RBFOX1: variants seen among roughly 807,000 people sequenced by gnomAD.
The protein encoded by RBFOX1 is RNA binding protein fox-1 homolog 1.
Under a neutral mutation model 57.7 loss-of-function variants are expected in RBFOX1, and 8 were observed. The observed-to-expected ratio is 0.14, with a 90% CI of 0.08 to 0.25. The LOEUF (loss-of-function observed/expected upper bound fraction) is 0.25, where lower values mean the gene tolerates loss of function less well. RBFOX1 is among the 10% of genes least tolerant of loss of function. The probability of loss-of-function intolerance (pLI) is 1.00; values close to 1 mark genes in which losing one functional copy is unlikely to be tolerated. For synonymous variants in RBFOX1, 326 were observed against 222.4 expected, an observed-to-expected ratio of 1.47 and a Z score of -4.15; for missense variants, 611 against 548.5, an observed-to-expected ratio of 1.11 and a Z score of -1.14.
chr16:6,980,991 C>G (rs1416303170), intron 3 of RBFOX1, among the ~76,000 whole-genome samples: 7 of 135,486 alleles, frequency 5.2e-5, no homozygotes, highest in South Asian at 2.4e-4. Flanking sequence ...TGCAGTCTGC[C>G]GAGATCACGC....
intron 15 of RBFOX1, chr16:7,709,434 T>C (rs2083536901): frequency 7.4e-7 from 1 of 1,344,206 alleles, no homozygotes; most frequent in Non-Finnish European, 9.8e-7. Flanking sequence ...CAGAATGCAG[T>C]GTCAATGCAG....
chr16:5,542,921 C>T (rs193071653), intron 2 of RBFOX1, among the ~76,000 whole-genome samples: 1 of 152,136 alleles, frequency 6.6e-6, no homozygotes, highest in Non-Finnish European at 1.5e-5. Context: ...TTAGAAGGAC[C>T]AGTACCTGGT....
intron 4 of RBFOX1, among the ~76,000 whole-genome samples, chr16:7,068,025 T>A (rs1208993813): frequency 6.7e-6 from 1 of 148,852 alleles, no homozygotes; most frequent in Non-Finnish European, 1.5e-5. Context: ...CATGAATCAC[T>A]CTCATGGTTT....
chr16:7,171,484 A>G (rs1246160062), intron 4 of RBFOX1, among the ~76,000 whole-genome samples: 3 of 152,236 alleles, frequency 2.0e-5, no homozygotes, highest in Non-Finnish European at 2.9e-5. Flanking sequence ...GATTATAGAA[A>G]GAGATTTCTT....
chr16:6,650,621 G>A (rs923234188), intron 2 of RBFOX1, among the ~76,000 whole-genome samples: 2 of 152,168 alleles, frequency 1.3e-5, no homozygotes, highest in African/African-American at 2.4e-5. Context: ...ATTGCTCACC[G>A]GTTCAGTCCC....
rs530299101 is a variant in RBFOX1 at position 6,497,573 on chromosome 16, A to C, written c.-63-157030A>C. Among the ~76,000 whole-genome samples the C allele has an allele frequency of 3.0e-4, 46 of 151,668 alleles. No individual in the cohort carries two copies. The South Asian group carries it at 3.6e-3, about 12-fold the overall frequency. On this transcript the variant is annotated intron_variant, in intron 2 of 15. Coordinates refer to ENST00000550418, the MANE Select transcript of RBFOX1 (RefSeq NM_018723.4). ...TTTTTGAAGTTTTTAAAAAAAAAAA[A>C]AAAACAGAGTTTTGCTCTTGTCACC... is the stretch of plus-strand genomic sequence containing the variant.
At chr16:5,922,195 A>C (rs558637887) in intron 4 of RBFOX1, among the ~76,000 whole-genome samples, 1 of 152,070 alleles carries the variant, frequency 6.6e-6, no homozygotes, top group Non-Finnish European at 1.5e-5. Flanking sequence ...CTAGCTCTCT[A>C]TGTGAACTCA....
intron 1 of RBFOX1, among the ~76,000 whole-genome samples, chr16:6,141,206 G>A (rs1007966780): frequency 6.6e-6 from 1 of 152,152 alleles, no homozygotes; most frequent in African/African-American, 2.4e-5. Context: ...TGCTTTTGGA[G>A]CACCTTCTAA....
At chr16:5,550,742 T>C (rs1289293982) in intron 2 of RBFOX1, among the ~76,000 whole-genome samples, 1 of 152,202 alleles carries the variant, frequency 6.6e-6, no homozygotes, top group Non-Finnish European at 1.5e-5. Context: ...GGTGTTATTT[T>C]TCTGAATACG....
chr16:7,172,696 G>A (rs1486602321), intron 4 of RBFOX1, among the ~76,000 whole-genome samples: 1 of 152,176 alleles, frequency 6.6e-6, no homozygotes, highest in Non-Finnish European at 1.5e-5. Flanking sequence ...GGAGGCAGAG[G>A]GGGATCTTGA....
intron 3 of RBFOX1, among the ~76,000 whole-genome samples, chr16:5,797,510 C>G (rs2054918498): frequency 6.6e-6 from 1 of 152,202 alleles, no homozygotes; most frequent in Admixed American, 6.5e-5. Flanking sequence ...CCCAGAGTGA[C>G]TCAGCTCTGA....
intron 3 of RBFOX1, among the ~76,000 whole-genome samples, chr16:5,786,874 G>C (rs964882361): frequency 6.6e-6 from 1 of 152,162 alleles, no homozygotes; most frequent in South Asian, 2.1e-4. Context: ...GGCAGCTTGC[G>C]CCTGTAATCC....
At chr16:5,626,300 T>G (rs1273103818) in intron 3 of RBFOX1, among the ~76,000 whole-genome samples, 1 of 152,184 alleles carries the variant, frequency 6.6e-6, no homozygotes, top group Non-Finnish European at 1.5e-5. Flanking sequence ...CCTCCCTCCT[T>G]GGCTTGTGGA....
At chr16:7,308,677 T>C (rs890390529) in intron 4 of RBFOX1, among the ~76,000 whole-genome samples, 2 of 152,204 alleles carry the variant, frequency 1.3e-5, no homozygotes, top group African/African-American at 4.8e-5. Flanking sequence ...CGAAAGCAAT[T>C]GAACTGAAAC....
At chr16:7,649,925 G>T (rs56774139) in intron 11 of RBFOX1, among the ~76,000 whole-genome samples, 3 of 151,854 alleles carry the variant, frequency 2.0e-5, no homozygotes, top group African/African-American at 7.3e-5. Flanking sequence ...TGTAATGAAG[G>T]CAGGAATTAA....
chr16:7,125,146 A>AGGTAACACT (rs1434898843), intron 4 of RBFOX1, among the ~76,000 whole-genome samples: 1 of 152,318 alleles, frequency 6.6e-6, no homozygotes, highest in East Asian at 1.9e-4. Context: ...GGGAAGAAAG[A>AGGTAACACT]GGTAACACTG....
At chr16:6,734,537 A>C (rs1487006344) in intron 3 of RBFOX1, among the ~76,000 whole-genome samples, 1 of 151,628 alleles carries the variant, frequency 6.6e-6, no homozygotes, top group Admixed American at 6.6e-5. Context: ...CCAAAGTACA[A>C]ATGGCCCAAC....
intron 2 of RBFOX1, among the ~76,000 whole-genome samples, chr16:6,522,175 G>T (rs1006921342): frequency 1.3e-5 from 2 of 151,760 alleles, no homozygotes; most frequent in African/African-American, 4.8e-5. Flanking sequence ...GTGTGTGTGT[G>T]TGTGTGTGTG....
chr16:6,137,972 G>A (rs2096680669), intron 1 of RBFOX1, among the ~76,000 whole-genome samples: 1 of 152,136 alleles, frequency 6.6e-6, no homozygotes, highest in South Asian at 2.1e-4. Context: ...CTGAGGTTCA[G>A]TTATGTTAAG....
Sources: gnomAD v4.1 joint callset for allele counts (sites outside exome capture counted in the v4.1 genomes callset) on GRCh38, gnomAD v4.1.1 for gene constraint, MANE v1.5 for transcripts, NCBI Gene and HGNC (gene_info 2026-07-23, HGNC 2026-07-21) for gene names.